The following DCAF10 variants were observed in gnomAD, a reference collection of about 807,000 sequenced individuals.
DCAF10 encodes the protein DDB1 and CUL4 associated factor 10, also known as DDB1- and CUL4-associated factor 10.
Under a neutral mutation model 51.9 loss-of-function variants are expected in DCAF10, and 19 were observed. The ratio of observed to expected loss-of-function variants is 0.37; its 90% CI spans 0.26 to 0.54. The LOEUF (loss-of-function observed/expected upper bound fraction) is 0.54. Among genes scored for constraint, DCAF10 ranks in the 20% least tolerant of loss-of-function variants. DCAF10 has a pLI of 0.87. For synonymous variants in DCAF10, 291 were observed against 297.1 expected, an observed-to-expected ratio of 0.98 and a Z score of 0.21; for missense variants, 510 against 730.6, an observed-to-expected ratio of 0.70 and a Z score of 3.48.
chr9:37,828,666 GAGT>G (rs550058206), intron 2 of DCAF10, among the ~76,000 whole-genome samples: 99 of 152,200 alleles, frequency 6.5e-4, no homozygotes, highest in South Asian at 4.6e-3. Flanking sequence ...CTTAAAACAG[GAGT>G]AGATTAAGTG....
chr9:37,818,149 C>G (rs1053013821), intron 1 of DCAF10, among the ~76,000 whole-genome samples: 5 of 152,112 alleles, frequency 3.3e-5, no homozygotes, highest in African/African-American at 1.2e-4. Flanking sequence ...CCCACCACCA[C>G]ACCTGGCTAA....
rs551218158 is a variant in DCAF10 at position 37,810,220 on chromosome 9, A to G, written c.539+8815A>G. 1.3e-3 allele frequency among the ~76,000 whole-genome samples: 198 copies of G among 152,302 alleles called. 1 individual carries two copies. The highest frequency in any genetic ancestry group is 4.5e-3 in the African/African-American group (187 of 41,558). On this transcript the variant is annotated intron_variant, in intron 1 of 6. Coordinates refer to ENST00000377724, the MANE Select transcript of DCAF10 (RefSeq NM_024345.5). ...GTAGATTGTTTGGACCAAACTTCCA[A>G]CTGAGAATAATCAGAAAAGCTAGAG...
At chr9:37,807,155 C>G (rs1213652096) in intron 1 of DCAF10, among the ~76,000 whole-genome samples, 2 of 152,120 alleles carry the variant, frequency 1.3e-5, no homozygotes, top group African/African-American at 4.8e-5. Context: ...GGATTCAGCT[C>G]CCATGAACAA....
intron 1 of DCAF10, among the ~76,000 whole-genome samples, chr9:37,802,914 G>T (rs1317381616): frequency 2.6e-5 from 4 of 152,054 alleles, no homozygotes; most frequent in Non-Finnish European, 4.4e-5. Flanking sequence ...TTCATATCCC[G>T]GCCCCTCTCC....
In DCAF10 at chr9:37,864,873, G is replaced by A. The variant is rs1357077603; in HGVS notation, c.*3365G>A. ...AAAACTTGCAGGGTAGGTGGAATGAGCCCCAATTTAATTTGGAGGTAATAG... is the reference window on the plus strand; with the variant it reads ...AAAACTTGCAGGGTAGGTGGAATGAACCCCAATTTAATTTGGAGGTAATAG... On this transcript the variant is annotated 3_prime_UTR_variant, in exon 7 of 7. Coordinates refer to ENST00000377724, the MANE Select transcript of DCAF10 (RefSeq NM_024345.5). The A allele has an allele frequency of 6.6e-6, 1 of 152,068 alleles. No individual in the cohort carries two copies. The highest frequency in any genetic ancestry group is 2.4e-5 in the African/African-American group (1 of 41,408). 9.4% of individuals were successfully genotyped at this position (152,068 alleles called of 1,614,324 possible).
rs146490593 is a variant in DCAF10 at position 37,857,276 on chromosome 9, G to A, written c.1090G>A (p.Val364Ile). Residue 364 changes from valine (V) to isoleucine (I), a missense_variant, in exon 5 of 7, where the codon GTT (valine) becomes ATT (isoleucine). Val to Ile is a conservative substitution (Grantham distance 29). This residue lies in a region of DCAF10 where 126 missense variants were observed against 271.5 expected (regional missense o/e 0.46). Transcript: ENST00000377724. ...TTCATCAAGTTCATCTGGTCCTAGA[G>A]TTTCTGGCTCACCTTGTCATCATAG... The part of the protein sequence containing the change: ...TTSSSSSGPR[V>I]SGSPCHHSDS... 2.2e-5 allele frequency: 36 copies of A among 1,609,756 alleles called. No homozygotes were observed. In the African/African-American group the frequency reaches 3.9e-4, roughly 17 times the overall value.
Position 37,801,388 on chromosome 9 carries a change from C to G in DCAF10, c.522C>G (p.Leu174=), listed in dbSNP as rs370190180. ...GCACCCACGGCGCCGTCTTCAACCT[C>G]GAGTACTCGCCCGACGGGTAAGCGC... The part of the protein sequence containing the change: ...STRTHGAVFN[L]EYSPDGSVLT... Residue 174 remains leucine (L), a synonymous_variant, in exon 1 of 7, where the codon CTC becomes CTG. Transcript: ENST00000377724. The surrounding 1 kb of genome is among the most constrained non-coding windows in gnomAD (Gnocchi z 5.5). 3 of 1,524,222 alleles carry G rather than the reference C, an allele frequency of 2.0e-6. No homozygotes were observed. Among genetic ancestry groups the G allele is most frequent in the Non-Finnish European group, 2.6e-6 (3 of 1,135,062 alleles). 94.4% of individuals were successfully genotyped at this position (1,524,222 alleles called of 1,614,324 possible). A position where few individuals can be genotyped will look rare whatever the true frequency, so the allele number is the denominator to read the frequency against.
intron 3 of DCAF10, among the ~76,000 whole-genome samples, chr9:37,847,052 A>C (rs1830494215): frequency 1.3e-5 from 2 of 151,556 alleles, no homozygotes; most frequent in Admixed American, 6.6e-5. Context: ...TCAGGAGTTC[A>C]AGACCAGCCT....
intron 2 of DCAF10, among the ~76,000 whole-genome samples, chr9:37,830,952 G>C (rs1213383686): frequency 6.6e-6 from 1 of 152,244 alleles, no homozygotes; most frequent in Non-Finnish European, 1.5e-5. Context: ...GCTGGGCGCA[G>C]TGGCTCATGC....
rs139810966 is a variant in DCAF10 at position 37,855,767 on chromosome 9, T to G, written c.1054+785T>G. ...GCTCACACCTGTAATCCCATCACTT[T>G]GGGAGGCCAAGGTGGGAGGATCGCT... On this transcript the variant is annotated intron_variant, in intron 4 of 6. Transcript: ENST00000377724. 2.1e-3 allele frequency among the ~76,000 whole-genome samples: 315 copies of G among 152,336 alleles called. 2 individuals carry two copies. The highest frequency in any genetic ancestry group is 7.2e-3 in the African/African-American group (301 of 41,586).
intron 2 of DCAF10, among the ~76,000 whole-genome samples, chr9:37,835,061 T>C (rs192051022): frequency 9.2e-5 from 14 of 152,280 alleles, no homozygotes; most frequent in African/African-American, 3.4e-4. Context: ...GCTGGGATTA[T>C]GGGTGTGAGC....
chr9:37,841,016 C>T (rs1830321812), intron 2 of DCAF10, among the ~76,000 whole-genome samples: 1 of 152,046 alleles, frequency 6.6e-6, no homozygotes, highest in South Asian at 2.1e-4. Context: ...CAGTGTGTAC[C>T]ATCTAGGTTT....
Position 37,801,775 on chromosome 9 carries a change from C to T in DCAF10, c.539+370C>T, listed in dbSNP as rs554895938. On this transcript the variant is annotated intron_variant, in intron 1 of 6. Coordinates refer to ENST00000377724, the MANE Select transcript of DCAF10 (RefSeq NM_024345.5). This position sits in a 1 kb window ranked among gnomAD's most constrained non-coding sequence, Gnocchi z 5.5. The stretch of plus-strand genomic sequence containing the variant: ...CCCGCTTTCTCCCCATCATCCTAGG[C>T]TCGCGTTTTCCTACCTAAACCTGTG... Among the ~76,000 whole-genome samples, 16 of 152,320 alleles carry T rather than the reference C, an allele frequency of 1.1e-4. No individual in the cohort carries two copies. Among genetic ancestry groups the T allele is most frequent in the Middle Eastern group, 3.4e-3 (1 of 294 alleles).
At position 37,861,891 on chromosome 9, in the gene DCAF10, T is replaced by C. The variant is rs1831030690; in HGVS notation, c.*383T>C. 1 of 176,156 alleles carries C rather than the reference T, an allele frequency of 5.7e-6. No homozygotes were observed. The highest frequency in any genetic ancestry group is 1.2e-5 in the Non-Finnish European group (1 of 80,896). 10.9% of individuals were successfully genotyped at this position (176,156 alleles called of 1,614,324 possible). ...ATTTTGGTGTCAATTTTGTGGACATTTGGCAGGAGTTTTGACTGGGGTAGG... is the reference window on the plus strand; with the variant it reads ...ATTTTGGTGTCAATTTTGTGGACATCTGGCAGGAGTTTTGACTGGGGTAGG... On this transcript the variant is annotated 3_prime_UTR_variant, in exon 7 of 7. Transcript: ENST00000377724. The surrounding 1 kb of genome is among the most constrained non-coding windows in gnomAD (Gnocchi z 4.9).
chr9:37,866,401 T>C lies in DCAF10; in HGVS notation c.*4893T>C, dbSNP rs1831138062. ...ATGTAAAGGGCTATAACAAATATGT[T>C]ATAAAGTGATTCTCTCAGCCCTGAG... On this transcript the variant is annotated 3_prime_UTR_variant, in exon 7 of 7. Coordinates refer to ENST00000377724, the MANE Select transcript of DCAF10 (RefSeq NM_024345.5). The C allele has an allele frequency of 6.6e-6, 1 of 152,548 alleles. No individual in the cohort carries two copies. 9.4% of individuals were successfully genotyped at this position (152,548 alleles called of 1,614,324 possible). A position where few individuals can be genotyped will look rare whatever the true frequency, so the allele number is the denominator to read the frequency against.
At chr9:37,816,657 G>GGGGGGGGGTGTGTGTGTGTGT in intron 1 of DCAF10, among the ~76,000 whole-genome samples, 1 of 110,360 alleles carries the variant, frequency 9.1e-6, no homozygotes, top group Non-Finnish European at 2.1e-5. Context: ...ATCTGCACCT[G>GGGGGGGGGTGTGTGTGTGTGT]GGGTGTGTGT....
intron 1 of DCAF10, among the ~76,000 whole-genome samples, chr9:37,812,629 T>A (rs1049876131): frequency 6.6e-6 from 1 of 152,174 alleles, no homozygotes; most frequent in Non-Finnish European, 1.5e-5. Context: ...TCAAAATGAA[T>A]GTGAACTTTT....
intron 2 of DCAF10, among the ~76,000 whole-genome samples, chr9:37,837,453 A>G (rs12551114): frequency 0.19 from 28,170 of 145,764 alleles, 3,124 homozygotes; most frequent in African/African-American, 0.3. Flanking sequence ...GCGAGACTCC[A>G]TCTCAAAAAA....
intron 1 of DCAF10, among the ~76,000 whole-genome samples, chr9:37,810,467 T>TTTC (rs550208228): frequency 0.013 from 1,937 of 150,812 alleles, 24 homozygotes; most frequent in Non-Finnish European, 0.021. Context: ...TTCTTTCTTT[T>TTTC]TTTTTTTGAG....
Sources: allele counts gnomAD v4.1 joint callset (sites outside exome capture counted in the v4.1 genomes callset), GRCh38; gene constraint gnomAD v4.1.1; regional missense constraint gnomAD v4.1.1; non-coding constraint Gnocchi (gnomAD v3.1); transcripts MANE v1.5; gene names NCBI Gene and HGNC (gene_info 2026-07-23, HGNC 2026-07-21).